Variants in TMEM260 observed in about 807,000 individuals in gnomAD.
TMEM260 encodes the protein transmembrane protein 260.
A neutral mutation model predicts 88.9 loss-of-function variants in TMEM260; 82 were observed. The observed-to-expected ratio is 0.92, with a 90% CI of 0.77 to 1.11. TMEM260 has a LOEUF of 1.11. TMEM260 is among the 50% of genes least tolerant of loss of function. TMEM260 has a pLI of 0.00. For missense variants in TMEM260, 902 were observed against 853.4 expected (o/e 1.06, Z -0.71); for synonymous variants, 314 against 309.3 (o/e 1.02, Z -0.16).
chr14:56,659,793 A>T, the TMEM260 span, among the ~76,000 whole-genome samples: 5 of 152,248 alleles, frequency 3.3e-5, no homozygotes, highest in Non-Finnish European at 7.3e-5. Context: ...TAGCATTTGC[A>T]GATAAAAATA....
At chr14:56,580,189 CCACCCCCCTGTG>C in intron 1 of TMEM260, 115 bp downstream of exon 1, 1 of 827,682 alleles carries the variant, frequency 1.2e-6, no homozygotes, top group African/African-American at 1.8e-5. Flanking sequence ...GGGCCTCCAT[CCACCCCCCTGTG>C]CACAGCGCAC....
chr14:56,592,368 A>T (rs1373689950), intron 3 of TMEM260, among the ~76,000 whole-genome samples: 1 of 152,162 alleles, frequency 6.6e-6, no homozygotes, highest in Non-Finnish European at 1.5e-5. Context: ...AAGATTTATA[A>T]TCTACTGCTC....
At chr14:56,646,578 GA>G (rs1168020586) in intron 15 of TMEM260, among the ~76,000 whole-genome samples, 1 of 152,156 alleles carries the variant, frequency 6.6e-6, no homozygotes, top group African/African-American at 2.4e-5. Context: ...CTCTGATGTT[GA>G]AAAATGAAAT....
At chr14:56,605,493 T>C in intron 4 of TMEM260, 77 bp from the exon 5 acceptor site, 1 of 718,414 alleles carries the variant, frequency 1.4e-6, no homozygotes, top group Non-Finnish European at 2.2e-6. Context: ...GGTTTTAATA[T>C]AAAAATGGCT....
chr14:56,628,465 T>G (rs1888372671), intron 12 of TMEM260, among the ~76,000 whole-genome samples: 1 of 152,240 alleles, frequency 6.6e-6, no homozygotes, highest in South Asian at 2.1e-4. Context: ...ATCTAAGAAC[T>G]CTTTGCCTAA....
chr14:56,590,367 A>G (rs1369900434), intron 3 of TMEM260, among the ~76,000 whole-genome samples: 4 of 152,190 alleles, frequency 2.6e-5, no homozygotes, highest in African/African-American at 9.7e-5. Context: ...GCCTGGCCTA[A>G]TCCCTTTGAT....
intron 8 of TMEM260, among the ~76,000 whole-genome samples, chr14:56,616,767 C>G (rs1414514335): frequency 6.6e-6 from 1 of 151,926 alleles, no homozygotes; most frequent in East Asian, 1.9e-4. Context: ...TTTAAGGCTT[C>G]CGATATAGAT....
Position 56,631,400 on chromosome 14 carries a change from ATCACCTGAGG to A in TMEM260, c.1548-1591_1548-1582del, listed in dbSNP as rs1178121008. Among the ~76,000 whole-genome samples, 10 of 152,264 alleles carry A rather than the reference ATCACCTGAGG, an allele frequency of 6.6e-5. No homozygotes were observed. In the East Asian group the frequency reaches 1.9e-3, roughly 29 times the overall value. On this transcript the variant is annotated intron_variant, in intron 12 of 15. Coordinates refer to ENST00000261556, the MANE Select transcript of TMEM260 (RefSeq NM_017799.4). ...CACTTTGGGAGGCTGAGGCAGGTGG[ATCACCTGAGG>A]TCAGAAGTTCAAGACCAGCCTGGCC...
chr14:56,645,432 G>A (rs1889896633), intron 15 of TMEM260, among the ~76,000 whole-genome samples: 1 of 149,228 alleles, frequency 6.7e-6, no homozygotes, highest in South Asian at 2.2e-4. Context: ...TCATAAGTGG[G>A]AATTGAACAA....
At chr14:56,636,011 C>T (rs995108705) in intron 14 of TMEM260, among the ~76,000 whole-genome samples, 9 of 152,034 alleles carry the variant, frequency 5.9e-5, no homozygotes, top group Admixed American at 1.3e-4. Context: ...TGTGGGAAAG[C>T]GGGGAAGAAA....
At chr14:56,635,017 A>G in intron 14 of TMEM260, 65 bp downstream of exon 14, 4 of 1,448,816 alleles carry the variant, frequency 2.8e-6, no homozygotes, top group African/African-American at 2.8e-5. Context: ...AGCTTATGGC[A>G]CTTTTAATTT....
At chr14:56,611,132 A>G (rs747422091) in intron 6 of TMEM260, among the ~76,000 whole-genome samples, 3 of 151,794 alleles carry the variant, frequency 2.0e-5, no homozygotes, top group Non-Finnish European at 4.4e-5. Context: ...ATGCCCGGCT[A>G]ATTTTTTGTG....
At chr14:56,634,393 A>G (rs1015341529) in intron 13 of TMEM260, among the ~76,000 whole-genome samples, 1 of 152,240 alleles carries the variant, frequency 6.6e-6, no homozygotes, top group Admixed American at 6.5e-5. Context: ...GGAGCTAATT[A>G]TGCAGATTAA....
intron 5 of TMEM260, among the ~76,000 whole-genome samples, chr14:56,607,766 C>A (rs1052579933): frequency 6.6e-6 from 1 of 151,978 alleles, no homozygotes; most frequent in African/African-American, 2.4e-5. Context: ...CAAAATAATT[C>A]TGATATAAGT....
chr14:56,650,715 G>T (rs887639741), downstream of TMEM260: 1 of 151,824 alleles, frequency 6.6e-6, no homozygotes, highest in Non-Finnish European at 1.5e-5. Flanking sequence ...ATACTCTGCC[G>T]GTAACTTTTA....
chr14:56,655,618 G>A, the TMEM260 span, among the ~76,000 whole-genome samples: 1 of 152,120 alleles, frequency 6.6e-6, no homozygotes, highest in Non-Finnish European at 1.5e-5. Flanking sequence ...TTGATTTAAA[G>A]AGCCTAAACC....
chr14:56,629,204 G>A (rs1461325351), intron 12 of TMEM260, among the ~76,000 whole-genome samples: 1 of 150,230 alleles, frequency 6.7e-6, no homozygotes, highest in Non-Finnish European at 1.5e-5. Context: ...CTGACTTTTT[G>A]TATTTCTTTT....
chr14:56,614,170 A>T (rs772068528), intron 7 of TMEM260, among the ~76,000 whole-genome samples: 1 of 150,728 alleles, frequency 6.6e-6, no homozygotes, highest in South Asian at 2.1e-4. Context: ...CGGCCTCCCA[A>T]AGTGCTGGGA....
Position 56,617,962 on chromosome 14 carries a change from C to T in TMEM260, c.1057-632C>T, listed in dbSNP as rs530767257. 5.1e-4 allele frequency among the ~76,000 whole-genome samples: 77 copies of T among 152,238 alleles called. 1 individual carries two copies. Among genetic ancestry groups the T allele is most frequent in the African/African-American group, 1.8e-3 (75 of 41,540 alleles). ...TGGAAAATGCAGCTTATATCTGTAG[C>T]CAAGGGGGCTTCCTCTTCCAGCATC... On this transcript the variant is annotated intron_variant, in intron 9 of 15. Transcript: ENST00000261556.
Sources: allele counts gnomAD v4.1 joint callset (sites outside exome capture counted in the v4.1 genomes callset), GRCh38; gene constraint gnomAD v4.1.1; transcripts MANE v1.5; gene names NCBI Gene and HGNC (gene_info 2026-07-23, HGNC 2026-07-21).